ARHGEF28: variants seen among roughly 807,000 people sequenced by gnomAD.
The protein encoded by ARHGEF28 is Rho guanine nucleotide exchange factor 28, also known as 190 kDa guanine nucleotide exchange factor.
Under a neutral mutation model 206.6 loss-of-function variants are expected in ARHGEF28, and 152 were observed. The ratio of observed to expected loss-of-function variants is 0.74; its 90% confidence interval spans 0.64 to 0.84. ARHGEF28 has a LOEUF of 0.84. Ranked by LOEUF, ARHGEF28 falls within the 40% of genes least tolerant of loss-of-function variation. The pLI is 0.00. For missense variants in ARHGEF28, 2,028 were observed against 2,073.2 expected (o/e 0.98, Z 0.42); for synonymous variants, 763 against 776.4 (o/e 0.98, Z 0.29).
In ARHGEF28 at chr5:73,886,443, A is replaced by T. The variant is rs557455168; in HGVS notation, c.3310+339A>T. Among the ~76,000 whole-genome samples, 4 of 152,370 alleles carry T rather than the reference A, an allele frequency of 2.6e-5. No homozygotes were observed. The East Asian group carries it at 7.7e-4, about 29-fold the overall frequency. On this transcript the variant is annotated intron_variant, in intron 25 of 35. Coordinates refer to ENST00000513042, the MANE Select transcript of ARHGEF28 (RefSeq NM_001177693.2). ...GTTGAAAGCAAGGCAGTACACCTAC[A>T]CACCTAGGGTCTGTTGCATGTCAAC...
chr5:73,719,367 CG>C (rs1561355321), intron 2 of ARHGEF28, among the ~76,000 whole-genome samples: 2 of 149,930 alleles, frequency 1.3e-5, no homozygotes, highest in Admixed American at 1.3e-4. Flanking sequence ...GCCGAGATCA[CG>C]CCGCTGCACT....
chr5:73,882,005 A>T (rs1367112489), intron 22 of ARHGEF28, among the ~76,000 whole-genome samples: 2 of 152,188 alleles, frequency 1.3e-5, no homozygotes, highest in Non-Finnish European at 2.9e-5. Flanking sequence ...GGACATGGTC[A>T]TTAGCCAGTG....
intron 31 of ARHGEF28, chr5:73,902,906 GC>G (rs1261760706): frequency 6.6e-6 from 1 of 152,210 alleles, no homozygotes; most frequent in Non-Finnish European, 1.5e-5. Context: ...TACTACAGAA[GC>G]AGTGGAGTGT....
intron 9 of ARHGEF28, among the ~76,000 whole-genome samples, chr5:73,829,321 G>A (rs2931431): frequency 0.78 from 118,446 of 152,198 alleles, 46,523 homozygotes; most frequent in East Asian, 0.93. Context: ...ATCTCCCTTT[G>A]CAACAAAGAG....
At position 73,760,601 on chromosome 5, in the gene ARHGEF28, G is replaced by A. The variant is rs569808995; in HGVS notation, c.475+7399G>A. 5.9e-5 allele frequency among the ~76,000 whole-genome samples: 9 copies of A among 152,204 alleles called. No homozygotes were observed. In the South Asian group the frequency reaches 1.5e-3, roughly 25 times the overall value. On this transcript the variant is annotated intron_variant, in intron 4 of 35. Coordinates refer to ENST00000513042, the MANE Select transcript of ARHGEF28 (RefSeq NM_001177693.2). The stretch of plus-strand genomic sequence containing the variant: ...ATGGCACTTGTTATGATGGTAAATC[G>A]ATAAAATTGTTTTACAGTTCTCAGC...
chr5:73,696,922 G>A (rs1748250884), intron 2 of ARHGEF28, among the ~76,000 whole-genome samples: 1 of 152,108 alleles, frequency 6.6e-6, no homozygotes, highest in African/African-American at 2.4e-5. Context: ...TTTGGGACTG[G>A]GACTGTCATT....
chr5:73,842,748 G>A (rs113460261), intron 11 of ARHGEF28, among the ~76,000 whole-genome samples: 7,130 of 152,260 alleles, frequency 0.047, 235 homozygotes, highest in African/African-American at 0.083. Flanking sequence ...GGAGGCCGAG[G>A]CAGGTGGATC....
At chr5:73,801,843 GAAGGCAAAGTT>G (rs1755152557) in intron 9 of ARHGEF28, among the ~76,000 whole-genome samples, 1 of 152,146 alleles carries the variant, frequency 6.6e-6, no homozygotes, top group South Asian at 2.1e-4. Context: ...AGACCACTGG[GAAGGCAAAGTT>G]ATTTGTATAA....
At chr5:73,897,596 A>T (rs1385359639) in intron 29 of ARHGEF28, among the ~76,000 whole-genome samples, 1 of 152,276 alleles carries the variant, frequency 6.6e-6, no homozygotes, top group Non-Finnish European at 1.5e-5. Flanking sequence ...GTTTACTGAA[A>T]GTTGCATTTG....
In ARHGEF28 at chr5:73,696,349, A is replaced by C. The variant is rs115582914; in HGVS notation, c.33+11465A>C. Among the ~76,000 whole-genome samples the C allele has an allele frequency of 4.3e-3, 654 of 152,280 alleles. 3 individuals are homozygous for C. Among genetic ancestry groups the C allele is most frequent in the Non-Finnish European group, 7.0e-3 (475 of 68,020 alleles). On this transcript the variant is annotated intron_variant, in intron 2 of 35. Transcript: ENST00000513042. The stretch of plus-strand genomic sequence containing the variant: ...ACCCTTCTGCTCTCAGTTCTTCGTG[A>C]ATGCCATGCTTCTTCCTGGCCAGGA...
At chr5:73,627,933 A>G (rs1343146032) in intron 1 of ARHGEF28, among the ~76,000 whole-genome samples, 1 of 152,162 alleles carries the variant, frequency 6.6e-6, no homozygotes, top group Non-Finnish European at 1.5e-5. Context: ...GCCAACTAAG[A>G]ACAGGTTGTA....
chr5:73,937,404 C>T (rs1764483326), intron 35 of ARHGEF28, among the ~76,000 whole-genome samples: 2 of 152,112 alleles, frequency 1.3e-5, no homozygotes, highest in South Asian at 2.1e-4. Context: ...TTTAGTCAGG[C>T]TTTGGGGCTT....
chr5:73,861,732 T>C (rs1219968112), intron 16 of ARHGEF28, among the ~76,000 whole-genome samples: 1 of 152,230 alleles, frequency 6.6e-6, no homozygotes, highest in Non-Finnish European at 1.5e-5. Context: ...CACATATCAT[T>C]GTCCACATAT....
chr5:73,797,352 A>G (rs1754881007), intron 9 of ARHGEF28, among the ~76,000 whole-genome samples: 1 of 152,158 alleles, frequency 6.6e-6, no homozygotes, highest in Non-Finnish European at 1.5e-5. Flanking sequence ...GGAATAGGAA[A>G]TGGGCTCTCC....
intron 4 of ARHGEF28, among the ~76,000 whole-genome samples, chr5:73,767,297 G>A (rs978922975): frequency 6.6e-6 from 1 of 152,174 alleles, no homozygotes; most frequent in Non-Finnish European, 1.5e-5. Flanking sequence ...AAATGTGGAA[G>A]CAACTTTGGA....
chr5:73,748,062 C>G (rs1751828078), intron 2 of ARHGEF28, among the ~76,000 whole-genome samples: 1 of 152,140 alleles, frequency 6.6e-6, no homozygotes, highest in Non-Finnish European at 1.5e-5. Context: ...AGGTCAGATT[C>G]TGCCTGTGGA....
At chr5:73,788,756 A>G (rs975955670) in intron 7 of ARHGEF28, among the ~76,000 whole-genome samples, 4 of 152,172 alleles carry the variant, frequency 2.6e-5, no homozygotes, top group African/African-American at 7.2e-5. Context: ...ATTTATTGGA[A>G]ATAATCCATA....
At chr5:73,772,002 G>A (rs1047325775) in intron 4 of ARHGEF28, among the ~76,000 whole-genome samples, 1 of 152,106 alleles carries the variant, frequency 6.6e-6, no homozygotes, top group Non-Finnish European at 1.5e-5. Context: ...GATTGATAGA[G>A]TAAATATACT....
intron 28 of ARHGEF28, 138 bp from the exon 29 acceptor site, chr5:73,894,255 T>C (rs1761822600): frequency 1.3e-6 from 1 of 788,986 alleles, no homozygotes; most frequent in African/African-American, 1.7e-5. Context: ...GAGACCTGCA[T>C]CTGCCCCACT....
Sources: allele counts gnomAD v4.1 joint callset (sites outside exome capture counted in the v4.1 genomes callset), GRCh38; gene constraint gnomAD v4.1.1; transcripts MANE v1.5; gene names NCBI Gene and HGNC (gene_info 2026-07-23, HGNC 2026-07-21).